Variants in PLCE1 observed in about 807,000 individuals in gnomAD.
The protein encoded by PLCE1 is phospholipase C epsilon 1.
PLCE1 carries 119 observed loss-of-function variants against 242.8 expected under a neutral mutation model. That is an observed-to-expected ratio of 0.49 (90% CI 0.42 to 0.57). The LOEUF (loss-of-function observed/expected upper bound fraction) is 0.57. Among genes scored for constraint, PLCE1 ranks in the 20% least tolerant of loss-of-function variants. PLCE1 has a pLI of 0.00. For synonymous variants in PLCE1, 945 were observed against 1,017.4 expected, an observed-to-expected ratio of 0.93 and a Z score of 1.35; for missense variants, 2,441 against 2,788.8, an observed-to-expected ratio of 0.88 and a Z score of 2.81.
At chr10:94,153,152 G>C (rs909571217) in intron 3 of PLCE1, among the ~76,000 whole-genome samples, 1 of 152,078 alleles carries the variant, frequency 6.6e-6, no homozygotes, top group African/African-American at 2.4e-5. Flanking sequence ...GTCCAAGTTA[G>C]AGCCAGAATT....
chr10:94,014,161 G>A (rs2061229341), intron 1 of PLCE1, among the ~76,000 whole-genome samples: 1 of 152,098 alleles, frequency 6.6e-6, no homozygotes, highest in African/African-American at 2.4e-5. Flanking sequence ...TTTCTCAAGG[G>A]GTCCCTTAGG....
chr10:94,238,514 C>T (rs2050397024), intron 7 of PLCE1, among the ~76,000 whole-genome samples: 1 of 152,132 alleles, frequency 6.6e-6, no homozygotes, highest in Non-Finnish European at 1.5e-5. Flanking sequence ...GAGAGACTAA[C>T]CCTTAGCCTC....
intron 4 of PLCE1, among the ~76,000 whole-genome samples, chr10:94,188,846 C>T (rs2048566441): frequency 6.6e-6 from 1 of 152,038 alleles, no homozygotes; most frequent in South Asian, 2.1e-4. Context: ...CTCAGGTGAT[C>T]CACCTGCCTT....
intron 2 of PLCE1, among the ~76,000 whole-genome samples, chr10:94,057,222 A>T (rs1420014528): frequency 1.3e-5 from 2 of 152,144 alleles, no homozygotes; most frequent in Non-Finnish European, 2.9e-5. Flanking sequence ...ATTTTGAGAA[A>T]TTACCCAACA....
chr10:94,153,492 T>A (rs1003485539), intron 3 of PLCE1, among the ~76,000 whole-genome samples: 4 of 152,080 alleles, frequency 2.6e-5, no homozygotes, highest in African/African-American at 9.7e-5. Context: ...CTAAAAACTT[T>A]CCGCCTAAGA....
Position 94,316,651 on chromosome 10 carries a change from A to C in PLCE1, c.6237A>C (p.Pro2079=). The change falls in exon 29 of 33, where the codon CCA becomes CCC. Residue 2079 remains proline, a synonymous_variant. Coordinates refer to ENST00000371380, the MANE Select transcript of PLCE1 (RefSeq NM_016341.4). ...AAAAGAATGAATGTAGGAAACAACC[A>C]TTCCAGAGAGCCATTGGTCCAGAAG... ...SKEKNECRKQ[P]FQRAIGPEEE... The C allele has an allele frequency of 6.2e-7, 1 of 1,613,082 alleles. No individual in the cohort carries two copies. Among genetic ancestry groups the C allele is most frequent in the East Asian group, 2.2e-5 (1 of 44,870 alleles).
chr10:94,210,768 C>G (rs972671695), intron 4 of PLCE1, among the ~76,000 whole-genome samples: 1 of 152,172 alleles, frequency 6.6e-6, no homozygotes, highest in African/African-American at 2.4e-5. Flanking sequence ...AGCTTCCTCT[C>G]TTCTAGGAAG....
chr10:94,242,157 G>A lies in PLCE1; in HGVS notation c.2421-3789G>A, dbSNP rs139503692. On this transcript the variant is annotated intron_variant, in intron 7 of 32. Coordinates refer to ENST00000371380, the MANE Select transcript of PLCE1 (RefSeq NM_016341.4). ...TAAGTATTGGTTTTCCAGTGTTACC[G>A]AGAGCAATTTCAGAGGGATGGAGCT... Among the ~76,000 whole-genome samples the A allele has an allele frequency of 1.3e-4, 20 of 152,206 alleles. No individual in the cohort carries two copies. The East Asian group carries it at 1.9e-3, about 15-fold the overall frequency.
intron 24 of PLCE1, among the ~76,000 whole-genome samples, chr10:94,303,965 G>C (rs772188214): frequency 2.6e-5 from 4 of 152,106 alleles, no homozygotes; most frequent in Non-Finnish European, 5.9e-5. Flanking sequence ...TATACAGAAG[G>C]GGGAGAATAT....
At chr10:94,262,318 T>C (rs985735148) in intron 13 of PLCE1, among the ~76,000 whole-genome samples, 176 bp from the exon 14 acceptor site, 1 of 152,186 alleles carries the variant, frequency 6.6e-6, no homozygotes, top group African/African-American at 2.4e-5. Flanking sequence ...ATTCATTGAT[T>C]TGTTTTTTAT....
intron 7 of PLCE1, among the ~76,000 whole-genome samples, chr10:94,242,391 A>G (rs2050537638): frequency 6.6e-6 from 1 of 152,046 alleles, no homozygotes; most frequent in African/African-American, 2.4e-5. Flanking sequence ...GCTCACTACA[A>G]GCTCAGCCTC....
At chr10:94,067,544 T>A (rs1339113482) in intron 2 of PLCE1, among the ~76,000 whole-genome samples, 1 of 152,110 alleles carries the variant, frequency 6.6e-6, no homozygotes, top group Non-Finnish European at 1.5e-5. Flanking sequence ...CTGGACAATA[T>A]GAAGAGAGTT....
chr10:94,170,628 A>T (rs183528129), intron 3 of PLCE1, among the ~76,000 whole-genome samples: 8 of 152,338 alleles, frequency 5.3e-5, no homozygotes, highest in African/African-American at 9.6e-5. Flanking sequence ...AATAGATATC[A>T]GTGAAATCAA....
chr10:94,216,735 G>C (rs1364334679), intron 4 of PLCE1, among the ~76,000 whole-genome samples: 1 of 151,988 alleles, frequency 6.6e-6, no homozygotes, highest in African/African-American at 2.4e-5. Context: ...GACAGAATAG[G>C]AACATTTGTA....
At chr10:94,188,370 C>G (rs1274707049) in intron 4 of PLCE1, among the ~76,000 whole-genome samples, 1 of 152,116 alleles carries the variant, frequency 6.6e-6, no homozygotes, top group Non-Finnish European at 1.5e-5. Flanking sequence ...TTGAAGTATA[C>G]TTAAATTTAA....
At chr10:94,055,406 C>T (rs766452824) in intron 2 of PLCE1, among the ~76,000 whole-genome samples, 3 of 151,900 alleles carry the variant, frequency 2.0e-5, no homozygotes, top group African/African-American at 7.3e-5. Context: ...CACCCCACCC[C>T]CCGGGTTCAA....
chr10:94,043,772 T>G lies in PLCE1; in HGVS notation c.1206+11520T>G, dbSNP rs575414408. 7.9e-5 allele frequency among the ~76,000 whole-genome samples: 12 copies of G among 152,344 alleles called. No individual in the cohort carries two copies. In the East Asian group the frequency reaches 2.1e-3, roughly 27 times the overall value. ...TTGAACCAGCCAGTTCTCCTTTTGA[T>G]GGCCACAAACCAAATATGGGCAGTG... On this transcript the variant is annotated intron_variant, in intron 2 of 32. Transcript: ENST00000371380.
At chr10:94,019,048 T>A (rs1445214643) in intron 1 of PLCE1, among the ~76,000 whole-genome samples, 1 of 152,236 alleles carries the variant, frequency 6.6e-6, no homozygotes, top group Non-Finnish European at 1.5e-5. Flanking sequence ...TAAAAGGTAC[T>A]ACTTTTTGAG....
intron 5 of PLCE1, among the ~76,000 whole-genome samples, chr10:94,233,810 T>G (rs2050225446): frequency 6.6e-6 from 1 of 151,798 alleles, no homozygotes; most frequent in Non-Finnish European, 1.5e-5. Flanking sequence ...TAGCCAGGCA[T>G]AGTGGCGCGC....
Sources: gnomAD v4.1 joint callset for allele counts (sites outside exome capture counted in the v4.1 genomes callset) on GRCh38, gnomAD v4.1.1 for gene constraint, MANE v1.5 for transcripts, NCBI Gene and HGNC (gene_info 2026-07-23, HGNC 2026-07-21) for gene names.